SUSD2: variants seen among roughly 807,000 people sequenced by gnomAD.
SUSD2 encodes sushi domain containing 2.
SUSD2 carries 86 observed loss-of-function variants against 93.8 expected under a neutral mutation model. That is an observed-to-expected ratio of 0.92 (90% CI 0.77 to 1.10). The LOEUF is 1.10. Ranked by LOEUF, SUSD2 falls within the 50% of genes least tolerant of loss-of-function variation. The probability of loss-of-function intolerance (pLI) is 0.00; values close to 1 mark genes in which losing one functional copy is unlikely to be tolerated. For missense variants in SUSD2, 1,060 were observed against 1,137.0 expected, an observed-to-expected ratio of 0.93 and a Z score of 0.97; for synonymous variants, 483 against 485.0, an observed-to-expected ratio of 1.00 and a Z score of 0.05.
intron 4 of SUSD2, 59 bp from the exon 5 acceptor site, chr22:24,184,707 A>C: frequency 7.1e-7 from 1 of 1,409,808 alleles, no homozygotes; most frequent in Non-Finnish European, 9.6e-7. Context: ...TGTAGGTGGC[A>C]AGGCCTGGGG....
Position 24,187,556 on chromosome 22 carries a change from T to G in SUSD2, c.1892-15T>G. On this transcript the variant is annotated splice_polypyrimidine_tract_variant and intron_variant, in intron 11 of 14. Coordinates refer to ENST00000358321, the MANE Select transcript of SUSD2 (RefSeq NM_019601.4). ...GGAGCCATGCCCAGCCAGGCCCCGGTCATGTATCTTCCAGGGACCGTGCAC... is the reference window on the plus strand; with the variant it reads ...GGAGCCATGCCCAGCCAGGCCCCGGGCATGTATCTTCCAGGGACCGTGCAC... 1 of 1,604,582 alleles carries G rather than the reference T, an allele frequency of 6.2e-7. No individual in the cohort carries two copies. The highest frequency in any genetic ancestry group is 8.5e-7 in the Non-Finnish European group (1 of 1,173,422).
chr22:24,188,980 A>C lies in SUSD2; in HGVS notation c.*544A>C, dbSNP rs2047388625. 1 of 152,732 alleles carries C rather than the reference A, an allele frequency of 6.5e-6. No homozygotes were observed. Among genetic ancestry groups the C allele is most frequent in the African/African-American group, 2.4e-5 (1 of 41,456 alleles). The allele number at this position is 152,732 out of a possible 1,614,324, so 9.5% of individuals were successfully genotyped here. On this transcript the variant is annotated 3_prime_UTR_variant, in exon 15 of 15. Transcript: ENST00000358321. This position sits in a 1 kb window ranked among gnomAD's most constrained non-coding sequence, Gnocchi z 4.7. ...GAGGCCCCAGAACCCCAAAGCAGAC[A>C]GCGAGACCCCCAGCGGCAGAGGCCT...
chr22:24,181,950 G>A (rs902329449), intron 1 of SUSD2, among the ~76,000 whole-genome samples: 2 of 152,154 alleles, frequency 1.3e-5, no homozygotes, highest in African/African-American at 4.8e-5. Flanking sequence ...GGAAAGCCCC[G>A]AACTCCAGAA....
In SUSD2 at chr22:24,186,312, A is replaced by C; in HGVS notation, c.1539A>C (p.Ser513=). The C allele has an allele frequency of 2.5e-6, 4 of 1,613,972 alleles. No individual in the cohort carries two copies. Among genetic ancestry groups the C allele is most frequent in the Non-Finnish European group, 2.5e-6 (3 of 1,180,038 alleles). ...CAGTGGCCGTCCAGGAGGGCAACTC[A>C]GATGTGGTGGAAGTCAGGCTGGCCA... is the stretch of plus-strand genomic sequence containing the variant. ...LTAVAVQEGN[S]DVVEVRLANR... Residue 513 remains serine, a synonymous_variant, in exon 10 of 15, where the codon TCA becomes TCC. Transcript: ENST00000358321.
In SUSD2 at chr22:24,184,125, C is replaced by A. The variant is rs2047344474; in HGVS notation, c.440-11C>A. On this transcript the variant is annotated splice_polypyrimidine_tract_variant and intron_variant, in intron 3 of 14. Coordinates refer to ENST00000358321, the MANE Select transcript of SUSD2 (RefSeq NM_019601.4). Reference sequence around the variant, plus strand: ...CCAGGCCCTCACTCACCCCTCACCTCCCCTGCCCAGTGCACCCCAACAAAG... The same window carrying A: ...CCAGGCCCTCACTCACCCCTCACCTACCCTGCCCAGTGCACCCCAACAAAG... The A allele has an allele frequency of 1.2e-6, 2 of 1,611,562 alleles. No homozygotes were observed. Among genetic ancestry groups the A allele is most frequent in the Non-Finnish European group, 1.7e-6 (2 of 1,179,926 alleles).
chr22:24,184,182 C>T lies in SUSD2; in HGVS notation c.486C>T (p.Asn162=), dbSNP rs201161910. 86 of 1,613,094 alleles carry T rather than the reference C, an allele frequency of 5.3e-5. No individual in the cohort carries two copies. The highest frequency in any genetic ancestry group is 6.6e-5 in the Non-Finnish European group (78 of 1,179,998). Residue 162 remains asparagine (N), a synonymous_variant, in exon 4 of 15, where the codon AAC becomes AAT. Transcript: ENST00000358321. ...TGATGGAGAAGAGCGAGTTGGTGAA[C>T]GAGACGCGTTGGCAATACTACGGCA... is the stretch of plus-strand genomic sequence containing the variant. The part of the protein sequence containing the change: ...VSMMEKSELV[N]ETRWQYYGTA...
intron 10 of SUSD2, chr22:24,186,743 T>C (rs970869179): frequency 2.8e-5 from 12 of 429,682 alleles, no homozygotes; most frequent in Non-Finnish European, 5.1e-5. Flanking sequence ...CAAAAGCCAC[T>C]GCAAGGTCTC....
At chr22:24,184,969 G>A (rs2047351474) in intron 5 of SUSD2, 29 bp downstream of exon 5, 2 of 1,612,254 alleles carry the variant, frequency 1.2e-6, no homozygotes. Flanking sequence ...GCAGGTGATG[G>A]CTGGAGGGCC....
In SUSD2 at chr22:24,181,662, A is replaced by T. The variant is rs962505260; in HGVS notation, c.76+67A>T. 4 of 1,294,666 alleles carry T rather than the reference A, an allele frequency of 3.1e-6. 1 individual carries two copies. Among genetic ancestry groups the T allele is most frequent in the Non-Finnish European group, 4.3e-6 (4 of 935,658 alleles). The allele number at this position is 1,294,666 out of a possible 1,614,324, so 80.2% of individuals were successfully genotyped here. On this transcript the variant is annotated intron_variant, in intron 1 of 14. Coordinates refer to ENST00000358321, the MANE Select transcript of SUSD2 (RefSeq NM_019601.4). ...TCTGTCTGCAGCCAGGCCTGGGCTG[A>T]CATCCCTCTGGGCTCAGCCTCTGTC...
Position 24,187,623 on chromosome 22 carries a change from C to T in SUSD2, c.1944C>T (p.Val648=), listed in dbSNP as rs1173261041. 1 of 1,614,044 alleles carries T rather than the reference C, an allele frequency of 6.2e-7. No homozygotes were observed. Among genetic ancestry groups the T allele is most frequent in the Admixed American group, 1.7e-5 (1 of 60,010 alleles). The part of the protein sequence containing the change: ...SLLTYDSWFL[V]HNFLYQPKHD... The stretch of plus-strand genomic sequence containing the variant: ...TCACCTACGATTCCTGGTTCCTGGT[C>T]CACAACTTCCTGTACCAACCCAAGC... The change falls in exon 12 of 15, where the codon GTC becomes GTT. Residue 648 remains valine (V), a synonymous_variant. Coordinates refer to ENST00000358321, the MANE Select transcript of SUSD2 (RefSeq NM_019601.4).
At chr22:24,187,126 C>T in intron 10 of SUSD2, 76 bp from the exon 11 acceptor site, 1 of 1,547,162 alleles carries the variant, frequency 6.5e-7, no homozygotes, top group Non-Finnish European at 8.7e-7. Context: ...TGGGTGCCGA[C>T]CACCCTGTCC....
intron 5 of SUSD2, 52 bp downstream of exon 5, chr22:24,184,992 G>T (rs781441759): frequency 1.2e-6 from 2 of 1,611,420 alleles, no homozygotes; most frequent in Non-Finnish European, 1.7e-6. Flanking sequence ...GCCGCCCGAG[G>T]CCCATCATGC....
chr22:24,183,877 C>T lies in SUSD2; in HGVS notation c.439+231C>T, dbSNP rs1397301772. 2.9e-5 allele frequency: 19 copies of T among 647,600 alleles called. No homozygotes were observed. The East Asian group carries it at 5.2e-4, about 18-fold the overall frequency. 40.1% of individuals were successfully genotyped at this position (647,600 alleles called of 1,614,324 possible). Reference sequence around the variant, plus strand: ...TGCAGGGGTCCCTAGAGAGGTGGGCCAGTGCCTATCCACTGAGCTCCGCCA... The same window carrying T: ...TGCAGGGGTCCCTAGAGAGGTGGGCTAGTGCCTATCCACTGAGCTCCGCCA... On this transcript the variant is annotated intron_variant, in intron 3 of 14. Coordinates refer to ENST00000358321, the MANE Select transcript of SUSD2 (RefSeq NM_019601.4).
rs1320502271 is a variant in SUSD2, at chr22:24,185,293, T to C, written c.982T>C (p.Phe328Leu). Residue 328 changes from phenylalanine (F) to leucine (L), a missense_variant and splice_region_variant, in exon 6 of 15, where the codon TTC becomes CTC. Phe to Leu is a conservative substitution (Grantham distance 22). This residue lies in a region of SUSD2 where 973 missense variants were observed against 1,005.3 expected (regional missense o/e 0.97). Coordinates refer to ENST00000358321, the MANE Select transcript of SUSD2 (RefSeq NM_019601.4). ...TQARADSGRF[F>L]TDYGCDMEQG... is the part of the protein sequence containing the mutation. Reference sequence around the variant, plus strand: ...GGCCCGGGCTGACTCCGGCCGCTTCTTCGTGAGCCTCCCATCAGGGCCCAG... The same window carrying C: ...GGCCCGGGCTGACTCCGGCCGCTTCCTCGTGAGCCTCCCATCAGGGCCCAG... 6.2e-7 allele frequency: 1 copy of C among 1,603,098 alleles called. No homozygotes were observed. The highest frequency in any genetic ancestry group is 2.2e-4 in the Middle Eastern group (1 of 4,594).
chr22:24,185,420 G>A (rs2047355245), intron 6 of SUSD2, 66 bp from the exon 7 acceptor site: 1 of 1,534,170 alleles, frequency 6.5e-7, no homozygotes, highest in Non-Finnish European at 8.8e-7. Flanking sequence ...CCCCTGCAGG[G>A]TTGGCCTCAG....
chr22:24,184,955 A>T lies in SUSD2; in HGVS notation c.782+15A>T, dbSNP rs770297111. 3.1e-6 allele frequency: 5 copies of T among 1,613,010 alleles called. No homozygotes were observed. Among genetic ancestry groups the T allele is most frequent in the Non-Finnish European group, 4.2e-6 (5 of 1,179,582 alleles). ...GCAGGGCAGAAGTAAGAAGGCATGG[A>T]TGTGCAGGTGATGGCTGGAGGGCCT... is the stretch of plus-strand genomic sequence containing the variant. On this transcript the variant is annotated intron_variant, in intron 5 of 14. Transcript: ENST00000358321.
Position 24,185,284 on chromosome 22 carries a change from G to T in SUSD2, c.973G>T (p.Gly325Cys). 1 of 1,603,964 alleles carries T rather than the reference G, an allele frequency of 6.2e-7. No homozygotes were observed. The highest frequency in any genetic ancestry group is 8.5e-7 in the Non-Finnish European group (1 of 1,179,696). The stretch of plus-strand genomic sequence containing the variant: ...CCTGACCCAGGCCCGGGCTGACTCC[G>T]GCCGCTTCTTCGTGAGCCTCCCATC... The part of the protein sequence containing the change: ...CTLTQARADS[G>C]RFFTDYGCDM... The change falls in exon 6 of 15, where the codon GGC becomes TGC. Residue 325 changes from glycine (G) to cysteine (C), a missense_variant. Coordinates refer to ENST00000358321, the MANE Select transcript of SUSD2 (RefSeq NM_019601.4).
rs1274148005 is a variant in SUSD2, at chr22:24,187,658, C to T, written c.1979C>T (p.Thr660Ile). Residue 660 changes from threonine to isoleucine, a missense_variant, in exon 12 of 15, where the codon ACC becomes ATC. By Grantham distance (89) the Thr-to-Ile change is moderately conservative (BLOSUM62 -1). Coordinates refer to ENST00000358321, the MANE Select transcript of SUSD2 (RefSeq NM_019601.4). ...NFLYQPKHDP[T>I]FEPLFPSETT... ...CTGTACCAACCCAAGCACGACCCCA[C>T]CTTCGAGCCCCTCTTCCCCAGTGAG... is the stretch of plus-strand genomic sequence containing the variant. 3.1e-6 allele frequency: 5 copies of T among 1,614,010 alleles called. No individual in the cohort carries two copies. In the East Asian group the frequency reaches 1.1e-4, roughly 36 times the overall value.
At position 24,188,817 on chromosome 22, in the gene SUSD2, C is replaced by A; in HGVS notation, c.*381C>A. The A allele has an allele frequency of 4.7e-6, 1 of 214,238 alleles. No individual in the cohort carries two copies. The highest frequency in any genetic ancestry group is 9.5e-6 in the Non-Finnish European group (1 of 105,622). The allele number at this position is 214,238 out of a possible 1,614,324, so 13.3% of individuals were successfully genotyped here. A position where few individuals can be genotyped will look rare whatever the true frequency, so the allele number is the denominator to read the frequency against. ...CCCTGAGCCTCAGATTCCAATACCT[C>A]ACTCCCCAGAGCCTGATGCCGGGGC... On this transcript the variant is annotated 3_prime_UTR_variant, in exon 15 of 15. Coordinates refer to ENST00000358321, the MANE Select transcript of SUSD2 (RefSeq NM_019601.4). The surrounding 1 kb of genome is among the most constrained non-coding windows in gnomAD (Gnocchi z 4.7).
Sources: allele counts gnomAD v4.1 joint callset (sites outside exome capture counted in the v4.1 genomes callset), GRCh38; gene constraint gnomAD v4.1.1; regional missense constraint gnomAD v4.1.1; non-coding constraint Gnocchi (gnomAD v3.1); transcripts MANE v1.5; gene names NCBI Gene and HGNC (gene_info 2026-07-23, HGNC 2026-07-21).